Variants in LONP2 observed in about 807,000 individuals in gnomAD.
LONP2 encodes the protein lon protease homolog 2, peroxisomal.
Under a neutral mutation model 85.6 loss-of-function variants are expected in LONP2, and 60 were observed. The ratio of observed to expected loss-of-function variants is 0.70; its 90% CI spans 0.57 to 0.87. The LOEUF is 0.87. LONP2 is among the 40% of genes least tolerant of loss of function. The pLI, the probability that LONP2 is intolerant of heterozygous loss-of-function variation, is 0.00. For synonymous variants in LONP2, 395 were observed against 389.7 expected, an observed-to-expected ratio of 1.01 and a Z score of -0.16; for missense variants, 860 against 1,063.5, an observed-to-expected ratio of 0.81 and a Z score of 2.66.
Position 48,352,167 on chromosome 16 carries a change from G to T in LONP2, c.*365G>T. 4.8e-6 allele frequency: 1 copy of T among 208,066 alleles called. No individual in the cohort carries two copies. The highest frequency in any genetic ancestry group is 9.8e-6 in the Non-Finnish European group (1 of 102,220). The allele number at this position is 208,066 out of a possible 1,614,324, so 12.9% of individuals were successfully genotyped here. A position where few individuals can be genotyped will look rare whatever the true frequency, so the allele number is the denominator to read the frequency against. Reference sequence around the variant, plus strand: ...GCCTGAATCAAATCCTGGGAGGTGGGGACAGAAATCTGTGTTTTAAGAAGC... The same window carrying T: ...GCCTGAATCAAATCCTGGGAGGTGGTGACAGAAATCTGTGTTTTAAGAAGC... On this transcript the variant is annotated 3_prime_UTR_variant, in exon 15 of 15. Transcript: ENST00000285737.
chr16:48,295,332 A>G (rs757351858), intron 8 of LONP2, among the ~76,000 whole-genome samples: 5 of 152,226 alleles, frequency 3.3e-5, no homozygotes, highest in Non-Finnish European at 5.9e-5. Flanking sequence ...AGATTGTGCC[A>G]CTGCACTCCA....
chr16:48,277,148 GAAGAT>G (rs1972224996), intron 7 of LONP2, among the ~76,000 whole-genome samples, 185 bp from the exon 8 acceptor site: 1 of 152,192 alleles, frequency 6.6e-6, no homozygotes, highest in Non-Finnish European at 1.5e-5. Context: ...GAATTAAGTA[GAAGAT>G]AAGATTAGAA....
intron 11 of LONP2, among the ~76,000 whole-genome samples, chr16:48,331,467 A>G (rs1411104367): frequency 2.0e-5 from 3 of 152,242 alleles, no homozygotes; most frequent in Non-Finnish European, 2.9e-5. Flanking sequence ...TTGAAATATC[A>G]AGTGATGTTA....
At chr16:48,292,479 A>T (rs1972576303) in intron 8 of LONP2, among the ~76,000 whole-genome samples, 1 of 152,108 alleles carries the variant, frequency 6.6e-6, no homozygotes, top group Non-Finnish European at 1.5e-5. Flanking sequence ...GGGTCCTGAG[A>T]TTTACTTTCC....
chr16:48,302,838 A>T (rs1460086757), intron 10 of LONP2, among the ~76,000 whole-genome samples: 2 of 152,252 alleles, frequency 1.3e-5, no homozygotes, highest in African/African-American at 4.8e-5. Flanking sequence ...TGTTTAAGAA[A>T]ACTCTTCAAC....
At chr16:48,261,318 TC>T in intron 4 of LONP2, 105 bp from the exon 5 acceptor site, 1 of 781,384 alleles carries the variant, frequency 1.3e-6, no homozygotes, top group Non-Finnish European at 2.0e-6. Context: ...GAGACTGTAG[TC>T]ATAAAAATAT....
At chr16:48,329,720 T>G (rs1265255028) in intron 11 of LONP2, among the ~76,000 whole-genome samples, 1 of 152,204 alleles carries the variant, frequency 6.6e-6, no homozygotes, top group Non-Finnish European at 1.5e-5. Context: ...TGAAATGTTA[T>G]ATCCTCCCCT....
chr16:48,258,614 T>G lies in LONP2; in HGVS notation c.601-4T>G, dbSNP rs760734802. ...ATCCTATTGATTGACTCACATTTCC[T>G]TAGATTTTAGATGCTGTGAGCCTAG... is the stretch of plus-strand genomic sequence containing the variant. On this transcript the variant is annotated splice_region_variant and splice_polypyrimidine_tract_variant and intron_variant, in intron 3 of 14. Coordinates refer to ENST00000285737, the MANE Select transcript of LONP2 (RefSeq NM_031490.5). 1 of 1,589,754 alleles carries G rather than the reference T, an allele frequency of 6.3e-7. No individual in the cohort carries two copies. Among genetic ancestry groups the G allele is most frequent in the South Asian group, 1.2e-5 (1 of 86,028 alleles).
At chr16:48,346,613 T>C (rs1239162628) in intron 12 of LONP2, among the ~76,000 whole-genome samples, 2 of 152,074 alleles carry the variant, frequency 1.3e-5, no homozygotes, top group African/African-American at 4.8e-5. Context: ...ATAACCCTTC[T>C]CACTTTTCTT....
rs1398269207 is a variant in LONP2, at chr16:48,348,232, T to G, written c.2279T>G (p.Leu760Arg). The change falls in exon 14 of 15, where the codon CTG (leucine) becomes CGG (arginine). Residue 760 changes from leucine (L) to arginine (R), a missense_variant. Coordinates refer to ENST00000285737, the MANE Select transcript of LONP2 (RefSeq NM_031490.5). The part of the protein sequence containing the change: ...TCLASLFSGR[L>R]VRSDVAMTGE... ...CTCGCCTCACTTTTTAGTGGGCGGCTGGTACGTTCAGATGTAGCCATGACT... is the reference window on the plus strand; with the variant it reads ...CTCGCCTCACTTTTTAGTGGGCGGCGGGTACGTTCAGATGTAGCCATGACT... The G allele has an allele frequency of 6.2e-7, 1 of 1,611,796 alleles. No homozygotes were observed. The highest frequency in any genetic ancestry group is 1.3e-5 in the African/African-American group (1 of 74,826).
intron 8 of LONP2, 55 bp downstream of exon 8, chr16:48,277,534 G>A (rs1972237613): frequency 1.3e-6 from 2 of 1,560,974 alleles, no homozygotes; most frequent in Non-Finnish European, 1.7e-6. Context: ...ATGGAGGAGG[G>A]TTGATAATCA....
intron 12 of LONP2, among the ~76,000 whole-genome samples, chr16:48,340,904 A>T (rs1262728977): frequency 6.6e-6 from 1 of 152,156 alleles, no homozygotes; most frequent in Non-Finnish European, 1.5e-5. Context: ...TGACAGAGTG[A>T]AAACTCTGTC....
chr16:48,252,406 G>T (rs1426599768), intron 2 of LONP2, 41 bp downstream of exon 2: 3 of 1,352,034 alleles, frequency 2.2e-6, no homozygotes, highest in Admixed American at 2.5e-5. Flanking sequence ...ATTTTTCTTT[G>T]GTTCTTTTGC....
intron 6 of LONP2, among the ~76,000 whole-genome samples, chr16:48,265,207 GC>G (rs1230572558): frequency 6.6e-6 from 1 of 152,058 alleles, no homozygotes; most frequent in African/African-American, 2.4e-5. Context: ...CTGTACAGAA[GC>G]TTTTCAGTTT....
intron 2 of LONP2, among the ~76,000 whole-genome samples, chr16:48,254,525 G>A (rs755048997): frequency 5.3e-5 from 8 of 151,886 alleles, no homozygotes; most frequent in Non-Finnish European, 5.9e-5. Context: ...CACCACGCCC[G>A]GCTAACTTTT....
At chr16:48,342,822 T>A (rs1043632886) in intron 12 of LONP2, among the ~76,000 whole-genome samples, 1 of 152,230 alleles carries the variant, frequency 6.6e-6, no homozygotes. Flanking sequence ...AGCATTCAAG[T>A]GCTCTATGAG....
chr16:48,268,261 A>T (rs749492402), intron 6 of LONP2, among the ~76,000 whole-genome samples: 58 of 152,330 alleles, frequency 3.8e-4, no homozygotes, highest in Admixed American at 7.2e-4. Flanking sequence ...GATTGAAAGA[A>T]CTTTTAAAAT....
chr16:48,263,024 T>C, intron 6 of LONP2, 152 bp downstream of exon 6: 2 of 599,266 alleles, frequency 3.3e-6, no homozygotes, highest in East Asian at 2.9e-5. Context: ...AGTGTGATTG[T>C]CGTACAAAAA....
At chr16:48,310,793 G>C (rs537876414) in intron 11 of LONP2, among the ~76,000 whole-genome samples, 1 of 143,728 alleles carries the variant, frequency 7.0e-6, no homozygotes, top group African/African-American at 2.8e-5. Flanking sequence ...TTTTATGATA[G>C]AGTATCACCT....
Sources: allele counts gnomAD v4.1 joint callset (sites outside exome capture counted in the v4.1 genomes callset), GRCh38; gene constraint gnomAD v4.1.1; transcripts MANE v1.5; gene names NCBI Gene and HGNC (gene_info 2026-07-23, HGNC 2026-07-21).